The following ARHGAP26 variants were observed in gnomAD, a reference collection of about 807,000 sequenced individuals.
ARHGAP26 encodes rho GTPase-activating protein 26.
Under a neutral mutation model 104.8 loss-of-function variants are expected in ARHGAP26, and 38 were observed. The observed-to-expected ratio is 0.36, with a 90% CI of 0.28 to 0.48. The LOEUF (loss-of-function observed/expected upper bound fraction) is 0.48, where lower values mean the gene tolerates loss of function less well. ARHGAP26 is among the 20% of genes least tolerant of loss of function. The pLI, the probability that ARHGAP26 is intolerant of heterozygous loss-of-function variation, is 0.99. For synonymous variants in ARHGAP26, 341 were observed against 340.0 expected, an observed-to-expected ratio of 1.00 and a Z score of -0.03; for missense variants, 704 against 947.9, an observed-to-expected ratio of 0.74 and a Z score of 3.38.
intron 11 of ARHGAP26, among the ~76,000 whole-genome samples, chr5:142,982,724 T>C (rs1774122979): frequency 6.6e-6 from 1 of 152,218 alleles, no homozygotes; most frequent in Non-Finnish European, 1.5e-5. Flanking sequence ...TGAGGCACCA[T>C]GTGGCTGCAG....
chr5:143,181,664 C>G (rs1244191487), intron 20 of ARHGAP26, among the ~76,000 whole-genome samples: 1 of 152,166 alleles, frequency 6.6e-6, no homozygotes, highest in Admixed American at 6.5e-5. Flanking sequence ...AATGAGTAAA[C>G]AAATGAATTA....
rs1237075269 is a variant in ARHGAP26 at position 143,199,816 on chromosome 5, G to C, written c.1989-7382G>C. Among the ~76,000 whole-genome samples the C allele has an allele frequency of 2.0e-5, 3 of 152,330 alleles. No homozygotes were observed. In the East Asian group the frequency reaches 5.8e-4, roughly 29 times the overall value. On this transcript the variant is annotated intron_variant, in intron 20 of 22. Transcript: ENST00000645722. ...GACACTGTGGAGACTCTTAGTGCAA[G>C]ACTCTCAGGCCCTTCCTTGTGTGCC...
intron 11 of ARHGAP26, among the ~76,000 whole-genome samples, chr5:142,965,686 G>T (rs995350993): frequency 3.3e-5 from 5 of 152,182 alleles, no homozygotes; most frequent in Admixed American, 3.3e-4. Flanking sequence ...TCTACATCTG[G>T]TATAACTATT....
At chr5:142,922,348 T>C (rs1763308298) in intron 10 of ARHGAP26, among the ~76,000 whole-genome samples, 2 of 152,210 alleles carry the variant, frequency 1.3e-5, no homozygotes, top group Admixed American at 6.5e-5. Context: ...GTTTTGTGTA[T>C]GTATTAGTAA....
At chr5:142,910,802 T>C (rs1761732862) in intron 9 of ARHGAP26, among the ~76,000 whole-genome samples, 2 of 152,200 alleles carry the variant, frequency 1.3e-5, no homozygotes, top group African/African-American at 2.4e-5. Context: ...GGCCTCAAAC[T>C]CCTGGTCACC....
At chr5:142,928,219 TTGTG>T (rs377280411) in intron 10 of ARHGAP26, among the ~76,000 whole-genome samples, 3 of 147,520 alleles carry the variant, frequency 2.0e-5, no homozygotes, top group Non-Finnish European at 3.0e-5. Flanking sequence ...TTAGGACTTT[TTGTG>T]TGTGTGTGTT....
chr5:143,064,611 CA>C (rs1028412314), intron 17 of ARHGAP26, among the ~76,000 whole-genome samples: 5 of 152,046 alleles, frequency 3.3e-5, no homozygotes, highest in African/African-American at 1.2e-4. Flanking sequence ...GGACATTGCA[CA>C]GAGCACAACG....
In ARHGAP26 at chr5:143,036,473, A is replaced by T. The variant is rs527658806; in HGVS notation, c.1145-723A>T. Reference sequence around the variant, plus strand: ...CCTAGAGGATGGCCCCACTGCCTTCATGCTGCTTCCTTTGGTAGTGTCTTT... The same window carrying T: ...CCTAGAGGATGGCCCCACTGCCTTCTTGCTGCTTCCTTTGGTAGTGTCTTT... On this transcript the variant is annotated intron_variant, in intron 12 of 22. Coordinates refer to ENST00000645722, the MANE Select transcript of ARHGAP26 (RefSeq NM_001135608.3). Among the ~76,000 whole-genome samples the T allele has an allele frequency of 1.5e-4, 23 of 152,302 alleles. No individual in the cohort carries two copies. The South Asian group carries it at 4.8e-3, about 32-fold the overall frequency.
chr5:143,159,724 T>C (rs923746323), intron 20 of ARHGAP26, among the ~76,000 whole-genome samples: 2 of 152,222 alleles, frequency 1.3e-5, no homozygotes, highest in African/African-American at 4.8e-5. Flanking sequence ...CATTATATGA[T>C]ACTATTTTAT....
intron 22 of ARHGAP26, among the ~76,000 whole-genome samples, chr5:143,218,066 C>G (rs968490122): frequency 1.3e-5 from 2 of 152,152 alleles, no homozygotes; most frequent in African/African-American, 4.8e-5. Flanking sequence ...AAATCCAACC[C>G]GCCACCTGTT....
Position 143,214,070 on chromosome 5 carries a change from G to C in ARHGAP26, c.2173G>C (p.Gly725Arg). 2.0e-6 allele frequency: 3 copies of C among 1,522,834 alleles called. No homozygotes were observed. The highest frequency in any genetic ancestry group is 8.9e-7 in the Non-Finnish European group (1 of 1,121,924). 94.3% of individuals were successfully genotyped at this position (1,522,834 alleles called of 1,614,324 possible). A position where few individuals can be genotyped will look rare whatever the true frequency, so the allele number is the denominator to read the frequency against. The change falls in exon 22 of 23, where the codon GGC (glycine) becomes CGC (arginine). Residue 725 changes from glycine (G) to arginine (R), a missense_variant. Coordinates refer to ENST00000645722, the MANE Select transcript of ARHGAP26 (RefSeq NM_001135608.3). ...EHDSELSFTA[G>R]TVFDNVHPSQ... ...TGACTCAGAACTTTCGTTCACAGCA[G>C]GCACGGTCTTCGATAACGGTGAGTT... is the stretch of plus-strand genomic sequence containing the variant.
intron 20 of ARHGAP26, among the ~76,000 whole-genome samples, chr5:143,181,488 G>A (rs1046471096): frequency 6.6e-6 from 1 of 152,098 alleles, no homozygotes; most frequent in Non-Finnish European, 1.5e-5. Flanking sequence ...GAACTCTCGC[G>A]TGTTAGGGAA....
intron 18 of ARHGAP26, among the ~76,000 whole-genome samples, chr5:143,121,365 G>A (rs548660564): frequency 5.5e-4 from 83 of 152,286 alleles, no homozygotes; most frequent in African/African-American, 1.9e-3. Flanking sequence ...CCATGGTTAT[G>A]GTGGTGGCAG....
chr5:142,996,190 T>TA (rs1344074085), intron 11 of ARHGAP26, among the ~76,000 whole-genome samples: 42 of 152,152 alleles, frequency 2.8e-4, no homozygotes, highest in African/African-American at 9.9e-4. Flanking sequence ...TAAAGTATAA[T>TA]AAAAAATGAA....
chr5:142,875,814 C>T (rs190203960), intron 3 of ARHGAP26, among the ~76,000 whole-genome samples: 1 of 152,196 alleles, frequency 6.6e-6, no homozygotes, highest in East Asian at 1.9e-4. Context: ...CATCATAGCT[C>T]ACTACAGCTT....
chr5:142,808,236 GAAAAAAAAAAAA>G (rs58550799), intron 1 of ARHGAP26, among the ~76,000 whole-genome samples: 11 of 32,694 alleles, frequency 3.4e-4, no homozygotes, highest in South Asian at 1.2e-3. Context: ...CATTGTCTCG[GAAAAAAAAAAAA>G]AAAAAAAAAA....
chr5:143,139,642 C>T lies in ARHGAP26; in HGVS notation c.1837+5537C>T, dbSNP rs116797388. 4.4e-3 allele frequency among the ~76,000 whole-genome samples: 675 copies of T among 152,260 alleles called. 7 individuals are homozygous for T. Among genetic ancestry groups the T allele is most frequent in the African/African-American group, 0.016 (644 of 41,542 alleles). On this transcript the variant is annotated intron_variant, in intron 19 of 22. Transcript: ENST00000645722. ...AATCTAGCACCAACTACACAGAGAG[C>T]GATATGTGTTGAATGGTAGCTTTAA... is the stretch of plus-strand genomic sequence containing the variant.
At chr5:143,120,612 C>T (rs780296221) in intron 17 of ARHGAP26, among the ~76,000 whole-genome samples, 6 of 152,108 alleles carry the variant, frequency 3.9e-5, no homozygotes, top group Non-Finnish European at 5.9e-5. Context: ...AAAATGCTAA[C>T]GATTGCAGTT....
At chr5:143,070,913 GA>G (rs145620730) in intron 17 of ARHGAP26, among the ~76,000 whole-genome samples, 12 of 148,558 alleles carry the variant, frequency 8.1e-5, no homozygotes, top group Admixed American at 2.7e-4. Flanking sequence ...CACTATCGCA[GA>G]AAAAAAAACA....
Sources: allele counts gnomAD v4.1 joint callset (sites outside exome capture counted in the v4.1 genomes callset), GRCh38; gene constraint gnomAD v4.1.1; transcripts MANE v1.5; gene names NCBI Gene and HGNC (gene_info 2026-07-23, HGNC 2026-07-21).